CHN2: variants seen among roughly 807,000 people sequenced by gnomAD.
CHN2 encodes chimerin 2, also known as beta-chimaerin.
A neutral mutation model predicts 56.3 loss-of-function variants in CHN2; 35 were observed. The observed-to-expected ratio is 0.62, with a 90% CI of 0.47 to 0.82. The LOEUF (loss-of-function observed/expected upper bound fraction) is 0.82. Ranked by LOEUF, CHN2 falls within the 40% of genes least tolerant of loss-of-function variation. The pLI is 0.00. For synonymous variants in CHN2, 210 were observed against 212.8 expected, an observed-to-expected ratio of 0.99 and a Z score of 0.12; for missense variants, 491 against 580.5, an observed-to-expected ratio of 0.85 and a Z score of 1.58.
intron 1 of CHN2, among the ~76,000 whole-genome samples, chr7:29,333,779 C>T (rs1027691770): frequency 2.6e-5 from 4 of 152,124 alleles, no homozygotes; most frequent in African/African-American, 9.7e-5. Context: ...CACCCATAAA[C>T]CAGTGGCTGC....
At chr7:29,364,312 T>C (rs952045941) in intron 2 of CHN2, among the ~76,000 whole-genome samples, 6 of 152,224 alleles carry the variant, frequency 3.9e-5, no homozygotes, top group African/African-American at 1.4e-4. Context: ...ACATATTTGC[T>C]TGTAAGAATT....
chr7:29,232,074 G>A (rs998629079), intron 1 of CHN2, among the ~76,000 whole-genome samples: 13 of 152,112 alleles, frequency 8.5e-5, no homozygotes, highest in East Asian at 1.9e-4. Context: ...GAAAGGGCAC[G>A]CTTTGACTAC....
chr7:29,298,397 C>T (rs1036381974), intron 1 of CHN2, among the ~76,000 whole-genome samples: 1 of 151,974 alleles, frequency 6.6e-6, no homozygotes, highest in African/African-American at 2.4e-5. Context: ...AAATGTGTTT[C>T]GGGGGGGTTG....
intron 1 of CHN2, among the ~76,000 whole-genome samples, chr7:29,345,629 G>A (rs112609287): frequency 0.011 from 1,616 of 152,238 alleles, 38 homozygotes; most frequent in South Asian, 0.088. Context: ...GATGCTGACC[G>A]GGGGCCAGAT....
intron 6 of CHN2, chr7:29,479,918 A>G (rs1786959053): frequency 4.2e-6 from 6 of 1,435,110 alleles, no homozygotes; most frequent in African/African-American, 2.9e-5. Context: ...AAACAGGCCC[A>G]TCCTTATTCA....
chr7:29,148,765 GAAGTT>G (rs1793130306), intron 2 of CHN2: 1 of 152,184 alleles, frequency 6.6e-6, no homozygotes, highest in Non-Finnish European at 1.5e-5. Context: ...TAGGGAACTT[GAAGTT>G]TAGTTGTGGG....
chr7:29,393,656 AT>A (rs567816067), intron 3 of CHN2, 22 bp from the exon 4 acceptor site: 13,991 of 871,294 alleles, frequency 0.016, 147 homozygotes, highest in Non-Finnish European at 0.02. Flanking sequence ...TGCATTATTA[AT>A]TTTTTTTTCT....
At position 29,385,188 on chromosome 7, in the gene CHN2, T is replaced by C. The variant is rs190223079; in HGVS notation, c.145-8491T>C. 6.5e-3 allele frequency among the ~76,000 whole-genome samples: 987 copies of C among 152,342 alleles called. 8 individuals are homozygous for C. The highest frequency in any genetic ancestry group is 0.017 in the Middle Eastern group (5 of 294). On this transcript the variant is annotated intron_variant, in intron 3 of 12. Coordinates refer to ENST00000222792, the MANE Select transcript of CHN2 (RefSeq NM_004067.4). ...AGCTACCTTTATAAATTATCAGCAT[T>C]ATCAAAAGCAAATATTTCCTTCTGC...
At chr7:29,410,831 GAGAAGTTTTTAA>G (rs1331807051) in intron 6 of CHN2, among the ~76,000 whole-genome samples, 3 of 152,090 alleles carry the variant, frequency 2.0e-5, no homozygotes, top group African/African-American at 7.2e-5. Flanking sequence ...TTATAAATTT[GAGAAGTTTTTAA>G]AGAATGACTG....
chr7:29,482,914 C>CTG (rs1787480394), intron 7 of CHN2, among the ~76,000 whole-genome samples: 1 of 140,012 alleles, frequency 7.1e-6, no homozygotes. Context: ...CTCCGCCTCC[C>CTG]GGGTTCATGC....
chr7:29,389,451 T>C (rs971178359), intron 3 of CHN2, among the ~76,000 whole-genome samples: 2 of 152,224 alleles, frequency 1.3e-5, no homozygotes, highest in Non-Finnish European at 2.9e-5. Context: ...TTGATTAAAT[T>C]ACACGTCATA....
chr7:29,230,163 G>T (rs1463225600), intron 1 of CHN2, among the ~76,000 whole-genome samples: 1 of 152,036 alleles, frequency 6.6e-6, no homozygotes, highest in Non-Finnish European at 1.5e-5. Flanking sequence ...TGCCAAATTT[G>T]CTTTAGAAGG....
chr7:29,488,816 G>A (rs942852410), intron 7 of CHN2, among the ~76,000 whole-genome samples: 2 of 152,098 alleles, frequency 1.3e-5, no homozygotes, highest in African/African-American at 2.4e-5. Context: ...CACAATGTAC[G>A]AGGCAGACCC....
intron 1 of CHN2, among the ~76,000 whole-genome samples, chr7:29,330,440 T>A (rs1377121883): frequency 2.0e-5 from 3 of 151,936 alleles, no homozygotes; most frequent in African/African-American, 7.3e-5. Flanking sequence ...AAAAAGAGAG[T>A]CCCCCGCTTA....
intron 6 of CHN2, among the ~76,000 whole-genome samples, chr7:29,472,572 G>T (rs948095231): frequency 6.6e-6 from 1 of 151,942 alleles, no homozygotes; most frequent in Non-Finnish European, 1.5e-5. Flanking sequence ...TTCAGGGAAT[G>T]AGCCAATGGG....
intron 12 of CHN2, among the ~76,000 whole-genome samples, chr7:29,511,162 A>ATT (rs72463839): frequency 6.7e-6 from 1 of 149,122 alleles, no homozygotes; most frequent in Admixed American, 6.7e-5. Flanking sequence ...GGAGGACTGT[A>ATT]TAAACAGTAG....
intron 1 of CHN2, among the ~76,000 whole-genome samples, chr7:29,218,702 G>A (rs1167543988): frequency 6.6e-6 from 1 of 150,984 alleles, no homozygotes; most frequent in Non-Finnish European, 1.5e-5. Context: ...CTATCACAAG[G>A]ACAAAAAACC....
chr7:29,408,601 T>C (rs73306836), intron 6 of CHN2, among the ~76,000 whole-genome samples: 8,184 of 152,290 alleles, frequency 0.054, 282 homozygotes, highest in South Asian at 0.088. Context: ...TCCCTTTCCA[T>C]GACTCCTTTC....
At chr7:29,424,796 G>T (rs1231470768) in intron 6 of CHN2, among the ~76,000 whole-genome samples, 1 of 152,118 alleles carries the variant, frequency 6.6e-6, no homozygotes, top group African/African-American at 2.4e-5. Flanking sequence ...CTTCAGATGG[G>T]GCAGGTGCTT....
Sources: gnomAD v4.1 joint callset for allele counts (sites outside exome capture counted in the v4.1 genomes callset) on GRCh38, gnomAD v4.1.1 for gene constraint, MANE v1.5 for transcripts, NCBI Gene and HGNC (gene_info 2026-07-23, HGNC 2026-07-21) for gene names.